ANKRD28: variants seen among roughly 807,000 people sequenced by gnomAD.
The protein encoded by ANKRD28 is serine/threonine-protein phosphatase 6 regulatory ankyrin repeat subunit A.
In ANKRD28, 44 loss-of-function variants were observed where a neutral mutation model predicts 126.5. That is an observed-to-expected ratio of 0.35 (90% CI 0.27 to 0.45). The LOEUF is 0.45. ANKRD28 is among the 20% of genes least tolerant of loss of function. The pLI is 1.00. For synonymous variants in ANKRD28, 442 were observed against 468.5 expected (o/e 0.94, Z 0.73); for missense variants, 1,110 against 1,316.6 (o/e 0.84, Z 2.43).
At chr3:15,850,880 C>CT (rs1303740002) in intron 1 of ANKRD28, among the ~76,000 whole-genome samples, 1 of 152,186 alleles carries the variant, frequency 6.6e-6, no homozygotes, top group East Asian at 1.9e-4. Flanking sequence ...AGTAAAACAA[C>CT]TTGGGGCTTG....
rs903950359 is a variant in ANKRD28 at position 15,685,852 on chromosome 3, A to G, written c.2169+150T>C. The G allele has an allele frequency of 2.7e-5, 18 of 663,050 alleles. No individual in the cohort carries two copies. In the East Asian group the frequency reaches 4.4e-4, roughly 16 times the overall value. The allele number at this position is 663,050 out of a possible 1,614,324, so 41.1% of individuals were successfully genotyped here. A position where few individuals can be genotyped will look rare whatever the true frequency, so the allele number is the denominator to read the frequency against. On this transcript the variant is annotated intron_variant, in intron 20 of 27. Transcript: ENST00000683139. ...AAGTTGTACTCTGTAATTGTTCAAA[A>G]TTAGCATTTAAAAACTAAGATACTG...
chr3:15,849,523 C>A (rs2061593717), intron 1 of ANKRD28, among the ~76,000 whole-genome samples: 1 of 152,138 alleles, frequency 6.6e-6, no homozygotes, highest in Non-Finnish European at 1.5e-5. Context: ...CTGTCTCTTC[C>A]TACACGCAGC....
chr3:15,780,872 A>C (rs2059505944), intron 2 of ANKRD28, among the ~76,000 whole-genome samples: 1 of 152,214 alleles, frequency 6.6e-6, no homozygotes, highest in African/African-American at 2.4e-5. Context: ...ATCCAGATGC[A>C]GAAGAATGAA....
intron 6 of ANKRD28, among the ~76,000 whole-genome samples, chr3:15,727,846 GAC>G (rs2074293499): frequency 6.6e-6 from 1 of 152,200 alleles, no homozygotes; most frequent in Admixed American, 6.5e-5. Context: ...GATGAGTAAA[GAC>G]AGTGGTTTTG....
chr3:15,795,404 T>C, intron 1 of ANKRD28, 98 bp from the exon 2 acceptor site: 1 of 779,582 alleles, frequency 1.3e-6, no homozygotes. Context: ...TTCTTCCCTG[T>C]AGCAATAATC....
At chr3:15,731,233 T>C (rs913109617) in intron 6 of ANKRD28, among the ~76,000 whole-genome samples, 3 of 152,214 alleles carry the variant, frequency 2.0e-5, no homozygotes, top group African/African-American at 7.2e-5. Context: ...CCCCTTGAAA[T>C]ACACACATTC....
At chr3:15,792,679 T>C (rs1379604745) in intron 2 of ANKRD28, among the ~76,000 whole-genome samples, 1 of 152,164 alleles carries the variant, frequency 6.6e-6, no homozygotes, top group Non-Finnish European at 1.5e-5. Flanking sequence ...AATAACTTAA[T>C]TGTATATTTT....
At chr3:15,684,544 T>C (rs1473893737) in intron 21 of ANKRD28, 1 of 152,212 alleles carries the variant, frequency 6.6e-6, no homozygotes, top group Non-Finnish European at 1.5e-5. Context: ...ATCTCACTGT[T>C]TCTCCTACTT....
chr3:15,757,584 G>T (rs1366525563), intron 3 of ANKRD28, among the ~76,000 whole-genome samples: 1 of 152,112 alleles, frequency 6.6e-6, no homozygotes, highest in Non-Finnish European at 1.5e-5. Flanking sequence ...CAGTGAATGG[G>T]ATTAATGCCC....
At chr3:15,675,621 G>T (rs2066857499) in intron 27 of ANKRD28, among the ~76,000 whole-genome samples, 1 of 152,140 alleles carries the variant, frequency 6.6e-6, no homozygotes, top group Admixed American at 6.5e-5. Flanking sequence ...TTTGCTGAAA[G>T]AACAAAATCT....
intron 1 of ANKRD28, among the ~76,000 whole-genome samples, chr3:15,841,669 G>A (rs1399963165): frequency 1.3e-5 from 2 of 152,138 alleles, no homozygotes; most frequent in African/African-American, 4.8e-5. Flanking sequence ...ATGGCAAACA[G>A]GTACATGAAA....
chr3:15,718,499 A>T (rs775822338), intron 8 of ANKRD28, among the ~76,000 whole-genome samples: 9 of 152,226 alleles, frequency 5.9e-5, no homozygotes, highest in Admixed American at 4.6e-4. Context: ...ACTGATTCTC[A>T]ATTCTACATT....
At chr3:15,807,417 G>A (rs1204601886) in intron 1 of ANKRD28, among the ~76,000 whole-genome samples, 1 of 152,044 alleles carries the variant, frequency 6.6e-6, no homozygotes, top group African/African-American at 2.4e-5. Flanking sequence ...GAAGGAAGAG[G>A]GTAATTGCAA....
Position 15,773,559 on chromosome 3 carries a change from A to C in ANKRD28, c.202-7247T>G, listed in dbSNP as rs1456194640. Among the ~76,000 whole-genome samples, 3 of 152,154 alleles carry C rather than the reference A, an allele frequency of 2.0e-5. No homozygotes were observed. In the East Asian group the frequency reaches 5.8e-4, roughly 29 times the overall value. On this transcript the variant is annotated intron_variant, in intron 2 of 27. Coordinates refer to ENST00000683139, the MANE Select transcript of ANKRD28 (RefSeq NM_001349278.2). ...AGAATTGCTTGAACCCAGGACATGGAGGTTGCAGTGAGCCAAGACTGCACT... is the reference window on the plus strand; with the variant it reads ...AGAATTGCTTGAACCCAGGACATGGCGGTTGCAGTGAGCCAAGACTGCACT...
rs2125837421 is a variant in ANKRD28, at chr3:15,797,829, C to T, written c.-1308G>A. The T allele has an allele frequency of 4.1e-6, 4 of 985,402 alleles. No homozygotes were observed. The highest frequency in any genetic ancestry group is 4.8e-6 in the Non-Finnish European group (4 of 829,946). 61.0% of individuals were successfully genotyped at this position (985,402 alleles called of 1,614,324 possible). The stretch of plus-strand genomic sequence containing the variant: ...TCTTGCAAAACACCACTGACATCCC[C>T]AAATGAGTAGGTCCTTAAAAAATAT... On this transcript the variant is annotated 5_prime_UTR_variant, in exon 1 of 28. Transcript: ENST00000683139.
chr3:15,671,578 G>GT (rs869032190), intron 27 of ANKRD28, among the ~76,000 whole-genome samples: 4,597 of 140,730 alleles, frequency 0.033, 343 homozygotes, highest in African/African-American at 0.12. Context: ...AAACACTATA[G>GT]TTTTTTTTTT....
intron 8 of ANKRD28, among the ~76,000 whole-genome samples, chr3:15,719,006 C>G (rs541960908): frequency 1.5e-4 from 23 of 152,244 alleles, no homozygotes; most frequent in Admixed American, 4.6e-4. Context: ...CAGTTCAAAC[C>G]TGTAATAAAT....
At position 15,815,807 on chromosome 3, in the gene ANKRD28, C is replaced by A. The variant is rs2060821020; in HGVS notation, c.28-20501G>T. Among the ~76,000 whole-genome samples the A allele has an allele frequency of 1.3e-5, 2 of 152,228 alleles. No individual in the cohort carries two copies. Among genetic ancestry groups the A allele is most frequent in the South Asian group, 4.1e-4 (2 of 4,832 alleles). ...TCAAAATTATTTATGAACAAATCAA[C>A]CTCATCAGAAAATATTAAAGGTACA... On this transcript the variant is annotated intron_variant, in intron 1 of 27. Coordinates refer to the ANKRD28 transcript ENST00000399451. The surrounding 1 kb of genome is among the most constrained non-coding windows in gnomAD (Gnocchi z 4.1).
rs796141261 is a variant in ANKRD28 at position 15,816,989 on chromosome 3, A to G, written c.28-21683T>C. Among the ~76,000 whole-genome samples, 4 of 152,178 alleles carry G rather than the reference A, an allele frequency of 2.6e-5. No individual in the cohort carries two copies. The highest frequency in any genetic ancestry group is 9.6e-5 in the African/African-American group (4 of 41,452). On this transcript the variant is annotated intron_variant, in intron 1 of 27. Coordinates refer to the ANKRD28 transcript ENST00000399451. This position sits in a 1 kb window ranked among gnomAD's most constrained non-coding sequence, Gnocchi z 5.0. ...AGTGAGAGGATCACTTCAGCTCAGG[A>G]GTTGGAGACCAGCCTGGACAACACA...
Sources: gnomAD v4.1 joint callset for allele counts (sites outside exome capture counted in the v4.1 genomes callset) on GRCh38, gnomAD v4.1.1 for gene constraint, Gnocchi (gnomAD v3.1) non-coding constraint, MANE v1.5 for transcripts, NCBI Gene and HGNC (gene_info 2026-07-23, HGNC 2026-07-21) for gene names.